Variants in RGS3 observed in about 807,000 individuals in gnomAD.
RGS3 encodes the protein regulator of G protein signaling 3, also known as regulator of G-protein signalling 3.
RGS3 carries 80 observed loss-of-function variants against 132.6 expected under a neutral mutation model. That is an observed-to-expected ratio of 0.60 (90% confidence interval 0.50 to 0.73). The LOEUF (loss-of-function observed/expected upper bound fraction) is 0.73, where lower values mean the gene tolerates loss of function less well. Among genes scored for constraint, RGS3 ranks in the 30% least tolerant of loss-of-function variants. The probability of loss-of-function intolerance (pLI) is 0.00; values close to 1 mark genes in which losing one functional copy is unlikely to be tolerated. For missense variants in RGS3, 1,382 were observed against 1,530.8 expected (o/e 0.90, Z 1.62); for synonymous variants, 598 against 620.6 (o/e 0.96, Z 0.54).
chr9:113,569,357 G>T (rs955490682), intron 19 of RGS3, among the ~76,000 whole-genome samples: 1 of 152,164 alleles, frequency 6.6e-6, no homozygotes, highest in African/African-American at 2.4e-5. Flanking sequence ...CACATGGCTG[G>T]CAGGAACCTT....
chr9:113,444,994 A>G (rs1036302391), intron 1 of RGS3: 1 of 152,178 alleles, frequency 6.6e-6, no homozygotes, highest in Non-Finnish European at 1.5e-5. Flanking sequence ...GGCTTAATTA[A>G]TAGCCAGTAT....
intron 16 of RGS3, chr9:113,522,678 C>A: frequency 2.0e-6 from 1 of 498,506 alleles, no homozygotes; most frequent in Non-Finnish European, 3.6e-6. Context: ...CCACTTTTCC[C>A]CTTCTGTTTG....
intron 1 of RGS3, among the ~76,000 whole-genome samples, chr9:113,461,050 TG>T (rs1829459379): frequency 6.6e-6 from 1 of 152,244 alleles, no homozygotes; most frequent in African/African-American, 2.4e-5. Flanking sequence ...ATATAATGTG[TG>T]GGGTGTGTTT....
chr9:113,495,565 GA>G (rs1312335500), intron 7 of RGS3, among the ~76,000 whole-genome samples: 1 of 152,160 alleles, frequency 6.6e-6, no homozygotes, highest in Non-Finnish European at 1.5e-5. Flanking sequence ...GTGACCTTGG[GA>G]AAGGGACCAA....
chr9:113,529,170 G>A (rs1202448007), intron 17 of RGS3, 51 bp from the exon 16 acceptor site: 1 of 1,443,728 alleles, frequency 6.9e-7, no homozygotes, highest in African/African-American at 1.4e-5. Context: ...GCAAACTGCT[G>A]AGGCTCTTTA....
intron 20 of RGS3, among the ~76,000 whole-genome samples, chr9:113,585,198 T>C (rs150634476): frequency 6.6e-6 from 1 of 152,352 alleles, no homozygotes; most frequent in Non-Finnish European, 1.5e-5. Flanking sequence ...GGCCTAACAG[T>C]GAACAGATTG....
chr9:113,470,746 C>G (rs1829801174), intron 3 of RGS3, among the ~76,000 whole-genome samples: 1 of 152,176 alleles, frequency 6.6e-6, no homozygotes, highest in African/African-American at 2.4e-5. Flanking sequence ...AGGAGGATCA[C>G]TCAAGCCCAG....
chr9:113,496,030 G>A (rs1830672968), intron 8 of RGS3, among the ~76,000 whole-genome samples, 184 bp downstream of exon 6: 1 of 152,316 alleles, frequency 6.6e-6, no homozygotes, highest in African/African-American at 2.4e-5. Context: ...CTGAGAGTTT[G>A]GGTCCCCTTC....
At chr9:113,499,595 A>G (rs547238579) in intron 10 of RGS3, among the ~76,000 whole-genome samples, 2 of 152,392 alleles carry the variant, frequency 1.3e-5, no homozygotes, top group South Asian at 4.1e-4. Flanking sequence ...GACTCAAGTC[A>G]TTCACTCATT....
intron 20 of RGS3, among the ~76,000 whole-genome samples, chr9:113,584,785 C>T (rs969640148): frequency 9.2e-5 from 14 of 152,372 alleles, no homozygotes; most frequent in African/African-American, 3.4e-4. Flanking sequence ...AGAAATCCAT[C>T]AGCCAGTCAC....
At chr9:113,532,141 T>C (rs770991821) in intron 18 of RGS3, among the ~76,000 whole-genome samples, 8 of 152,166 alleles carry the variant, frequency 5.3e-5, no homozygotes, top group East Asian at 1.9e-4. Context: ...GAGTGAGTTA[T>C]GTGAGGAAGC....
At chr9:113,574,084 C>T (rs1564591320) in intron 19 of RGS3, among the ~76,000 whole-genome samples, 1 of 152,238 alleles carries the variant, frequency 6.6e-6, no homozygotes, top group Non-Finnish European at 1.5e-5. Flanking sequence ...TATAAAACAA[C>T]TGTCACAGTG....
Position 113,565,913 on chromosome 9 carries a change from G to GTGTC in RGS3, c.2038-17519_2038-17516dup, listed in dbSNP as rs1316670174. Among the ~76,000 whole-genome samples, 959 of 144,490 alleles carry GTGTC rather than the reference G, an allele frequency of 6.6e-3. 14 individuals carry two copies. Among genetic ancestry groups the GTGTC allele is most frequent in the African/African-American group, 0.022 (842 of 38,536 alleles). The allele number at this position is 144,490 out of a possible 152,430, so 94.8% of individuals were successfully genotyped here. ...TGTGTGTGTGTGTGTGTGTGTGTGT[G>GTGTC]TGTCTGTCTGTCTGTCTGTCTCAGG... On this transcript the variant is annotated intron_variant, in intron 19 of 24. Coordinates refer to ENST00000350696, the Ensembl canonical transcript of RGS3. The surrounding 1 kb of genome is among the most constrained non-coding windows in gnomAD (Gnocchi z 5.7).
At chr9:113,508,132 A>G (rs1831226343) in intron 13 of RGS3, among the ~76,000 whole-genome samples, 1 of 152,180 alleles carries the variant, frequency 6.6e-6, no homozygotes, top group African/African-American at 2.4e-5. Flanking sequence ...AATGCAAAGG[A>G]GCCTAGTAGA....
At chr9:113,593,898 C>T in intron 21 of RGS3, 1 of 1,583,316 alleles carries the variant, frequency 6.3e-7, no homozygotes, top group East Asian at 2.2e-5. Context: ...CCCCCACCCC[C>T]CACCACTGTC....
rs1477809841 is a variant in RGS3 at position 113,553,456 on chromosome 9, AAAAATATATATAT to A, written c.2037+16540_2037+16552del. 4.2e-3 allele frequency among the ~76,000 whole-genome samples: 408 copies of A among 97,990 alleles called. 5 individuals are homozygous for A. Among genetic ancestry groups the A allele is most frequent in the Non-Finnish European group, 5.4e-3 (262 of 48,102 alleles). 64.3% of individuals were successfully genotyped at this position (97,990 alleles called of 152,430 possible). ...AAACTCTGTTTAAAAAAAAAAAAAA[AAAAATATATATAT>A]ATATATATATATATATATATATGTA... On this transcript the variant is annotated intron_variant, in intron 19 of 24. Coordinates refer to ENST00000350696, the Ensembl canonical transcript of RGS3.
chr9:113,510,970 G>C (rs945273023), intron 14 of RGS3, among the ~76,000 whole-genome samples: 5 of 152,168 alleles, frequency 3.3e-5, no homozygotes, highest in Non-Finnish European at 5.9e-5. Context: ...CAGGGTGCTG[G>C]CTTCTTAGTC....
intron 14 of RGS3, among the ~76,000 whole-genome samples, chr9:113,513,687 C>G (rs1003145828): frequency 3.2e-4 from 48 of 152,220 alleles, no homozygotes; most frequent in Non-Finnish European, 5.1e-4. Flanking sequence ...GTTGCCCAAG[C>G]TCACTGAGCT....
chr9:113,561,369 C>T (rs542582242), intron 19 of RGS3, among the ~76,000 whole-genome samples: 29 of 151,186 alleles, frequency 1.9e-4, no homozygotes, highest in African/African-American at 6.3e-4. Context: ...CTTTCCTTTC[C>T]TTTTCTTTTC....
Sources: allele counts gnomAD v4.1 joint callset (sites outside exome capture counted in the v4.1 genomes callset), GRCh38; gene constraint gnomAD v4.1.1; non-coding constraint Gnocchi (gnomAD v3.1); transcripts MANE v1.5; gene names NCBI Gene and HGNC (gene_info 2026-07-23, HGNC 2026-07-21).